PHACTR2: variants seen among roughly 807,000 people sequenced by gnomAD.
PHACTR2 encodes the protein chromosome 6 open reading frame 56.
A neutral mutation model predicts 76.0 loss-of-function variants in PHACTR2; 30 were observed. That is an observed-to-expected ratio of 0.39 (90% CI 0.30 to 0.54). The LOEUF is 0.54. Ranked by LOEUF, PHACTR2 falls within the 20% of genes least tolerant of loss-of-function variation. The pLI is 0.61. For missense variants in PHACTR2, 696 were observed against 781.1 expected, an observed-to-expected ratio of 0.89 and a Z score of 1.30; for synonymous variants, 292 against 292.5, an observed-to-expected ratio of 1.00 and a Z score of 0.02.
intron 5 of PHACTR2, among the ~76,000 whole-genome samples, chr6:143,763,940 G>A (rs1013861133): frequency 1.3e-5 from 2 of 152,194 alleles, no homozygotes; most frequent in African/African-American, 2.4e-5. Flanking sequence ...AACAGAAGAA[G>A]CCATTAGGAT....
chr6:143,740,677 A>T (rs1214415378), intron 2 of PHACTR2, among the ~76,000 whole-genome samples: 1 of 152,166 alleles, frequency 6.6e-6, no homozygotes, highest in African/African-American at 2.4e-5. Flanking sequence ...ATCCTTTTAT[A>T]ATTTGAACTC....
At chr6:143,701,087 G>A (rs1777901284) in intron 1 of PHACTR2, among the ~76,000 whole-genome samples, 2 of 152,196 alleles carry the variant, frequency 1.3e-5, no homozygotes, top group Non-Finnish European at 2.9e-5. Flanking sequence ...CCAAATAAGA[G>A]CGACTTTATT....
In PHACTR2 at chr6:143,800,006, G is replaced by T. The variant is rs1775916116; in HGVS notation, c.1846-7051G>T. Reference sequence around the variant, plus strand: ...TGTTAAAGTCTCCCATTATTATTGTGTGGGAGTCTAAGTTTCTTTGTAAGT... The same window carrying T: ...TGTTAAAGTCTCCCATTATTATTGTTTGGGAGTCTAAGTTTCTTTGTAAGT... On this transcript the variant is annotated intron_variant, in intron 11 of 12. Coordinates refer to ENST00000440869, the MANE Select transcript of PHACTR2 (RefSeq NM_001100164.2). The surrounding 1 kb of genome is among the most constrained non-coding windows in gnomAD (Gnocchi z 4.8). 6.6e-6 allele frequency among the ~76,000 whole-genome samples: 1 copy of T among 152,134 alleles called. No individual in the cohort carries two copies. The highest frequency in any genetic ancestry group is 2.1e-4 in the South Asian group (1 of 4,830).
rs1184089643 is a variant in PHACTR2, at chr6:143,663,412, T to C, written c.14-48604T>C. Among the ~76,000 whole-genome samples the C allele has an allele frequency of 1.3e-5, 2 of 152,248 alleles. No individual in the cohort carries two copies. The highest frequency in any genetic ancestry group is 2.9e-5 in the Non-Finnish European group (2 of 68,038). ...CTCTTGATTTTAAGATTCTGTTTCA[T>C]TGGTGCCCTTGTTTTTATCATTTTG... On this transcript the variant is annotated intron_variant, in intron 1 of 11. Transcript: ENST00000305766. The surrounding 1 kb of genome is among the most constrained non-coding windows in gnomAD (Gnocchi z 4.1).
At position 143,689,215 on chromosome 6, in the gene PHACTR2, T is replaced by A. The variant is rs149138839; in HGVS notation, c.46+11006T>A. ...AACCCACCCAGGTCCCACCCACAGC[T>A]CTCTGTGCCTTCACTGCACTTAGCA... is the stretch of plus-strand genomic sequence containing the variant. On this transcript the variant is annotated intron_variant, in intron 1 of 12. Transcript: ENST00000440869. The surrounding 1 kb of genome is among the most constrained non-coding windows in gnomAD (Gnocchi z 4.4). Among the ~76,000 whole-genome samples the A allele has an allele frequency of 1.7e-3, 260 of 152,140 alleles. No homozygotes were observed. Among genetic ancestry groups the A allele is most frequent in the African/African-American group, 5.9e-3 (245 of 41,514 alleles).
chr6:143,772,508 A>C lies in PHACTR2; in HGVS notation c.1432+51A>C, dbSNP rs768499248. The C allele has an allele frequency of 8.2e-6, 11 of 1,333,928 alleles. No homozygotes were observed. In the East Asian group the frequency reaches 2.4e-4, roughly 29 times the overall value. The allele number at this position is 1,333,928 out of a possible 1,614,324, so 82.6% of individuals were successfully genotyped here. ...AGGAGCGTGGGTGATAAGCAGAAGC[A>C]GCTGCAGTTTATAAAGAATAAAAGC... is the stretch of plus-strand genomic sequence containing the variant. On this transcript the variant is annotated intron_variant, in intron 7 of 12. Transcript: ENST00000440869. The surrounding 1 kb of genome is among the most constrained non-coding windows in gnomAD (Gnocchi z 5.4).
At chr6:143,736,091 C>A (rs1349901151) in intron 2 of PHACTR2, among the ~76,000 whole-genome samples, 1 of 152,006 alleles carries the variant, frequency 6.6e-6, no homozygotes, top group Non-Finnish European at 1.5e-5. Flanking sequence ...TGCAATGGCA[C>A]AATCATAACT....
In PHACTR2 at chr6:143,623,466, G is replaced by A. The variant is rs1025573161; in HGVS notation, c.13+15144G>A. 2.6e-5 allele frequency among the ~76,000 whole-genome samples: 4 copies of A among 152,054 alleles called. No homozygotes were observed. The highest frequency in any genetic ancestry group is 5.9e-5 in the Non-Finnish European group (4 of 68,002). On this transcript the variant is annotated intron_variant, in intron 1 of 11. Transcript: ENST00000305766. This position sits in a 1 kb window ranked among gnomAD's most constrained non-coding sequence, Gnocchi z 5.9. Reference sequence around the variant, plus strand: ...GGTGCATGCCTGTAGTCCCAGCTACGTGGGAGGCTGAGGCAGGAGAATCAC... The same window carrying A: ...GGTGCATGCCTGTAGTCCCAGCTACATGGGAGGCTGAGGCAGGAGAATCAC...
In PHACTR2 at chr6:143,774,049, C is replaced by T. The variant is rs756472669; in HGVS notation, c.1433-10C>T. 1 of 1,610,778 alleles carries T rather than the reference C, an allele frequency of 6.2e-7. No homozygotes were observed. Among genetic ancestry groups the T allele is most frequent in the South Asian group, 1.1e-5 (1 of 90,460 alleles). Reference sequence around the variant, plus strand: ...CTCTCTCTGCATTTCTGCTCTTTTTCAATCCTCAGGTGCTTTGGCAAGTAA... The same window carrying T: ...CTCTCTCTGCATTTCTGCTCTTTTTTAATCCTCAGGTGCTTTGGCAAGTAA... On this transcript the variant is annotated splice_polypyrimidine_tract_variant and intron_variant, in intron 7 of 12. Transcript: ENST00000440869. This position sits in a 1 kb window ranked among gnomAD's most constrained non-coding sequence, Gnocchi z 5.4.
intron 1 of PHACTR2, among the ~76,000 whole-genome samples, chr6:143,638,578 C>T (rs1167014035): frequency 1.2e-5 from 1 of 80,816 alleles, no homozygotes; most frequent in Admixed American, 1.2e-4. Context: ...CACACACATA[C>T]ACACACACAC....
In PHACTR2 at chr6:143,807,039, A is replaced by AT. The variant is rs200519016; in HGVS notation, c.1846-10dup. On this transcript the variant is annotated splice_polypyrimidine_tract_variant and intron_variant, in intron 11 of 12. Coordinates refer to ENST00000440869, the MANE Select transcript of PHACTR2 (RefSeq NM_001100164.2). The surrounding 1 kb of genome is among the most constrained non-coding windows in gnomAD (Gnocchi z 5.5). ...ACCTAAATAACAGTTCTGTTTATCT[A>AT]TTTTTTTTCCTGTTTAGGCAGCAAT... The AT allele has an allele frequency of 3.5e-4, 506 of 1,434,726 alleles. 2 individuals are homozygous for AT. In the East Asian group the frequency reaches 7.8e-3, roughly 22 times the overall value. 88.9% of individuals were successfully genotyped at this position (1,434,726 alleles called of 1,614,324 possible). A position where few individuals can be genotyped will look rare whatever the true frequency, so the allele number is the denominator to read the frequency against.
In PHACTR2 at chr6:143,738,169, T is replaced by C. The variant is rs904435320; in HGVS notation, c.215-10816T>C. Among the ~76,000 whole-genome samples the C allele has an allele frequency of 1.3e-5, 2 of 152,136 alleles. No homozygotes were observed. The highest frequency in any genetic ancestry group is 2.4e-5 in the African/African-American group (1 of 41,434). ...GCCCACGCCTGTAATCCTAGCACTT[T>C]GGGAGTCCTAGGCAGGCGGATCACA... On this transcript the variant is annotated intron_variant, in intron 2 of 12. Coordinates refer to ENST00000440869, the MANE Select transcript of PHACTR2 (RefSeq NM_001100164.2). This position sits in a 1 kb window ranked among gnomAD's most constrained non-coding sequence, Gnocchi z 4.0.
chr6:143,660,794 C>T (rs1776935327), intron 1 of PHACTR2, among the ~76,000 whole-genome samples: 1 of 152,022 alleles, frequency 6.6e-6, no homozygotes, highest in African/African-American at 2.4e-5. Context: ...TGGCACGCTC[C>T]TTAGAAAACA....
intron 10 of PHACTR2, 129 bp from the exon 11 acceptor site, chr6:143,788,642 CTT>C (rs200962238): frequency 0.058 from 24,618 of 426,868 alleles, 3 homozygotes; most frequent in East Asian, 0.066. Context: ...ATGCTGTTGC[CTT>C]TTTTTTTTTT....
rs763200954 is a variant in PHACTR2 at position 143,806,546 on chromosome 6, C to A, written c.1846-511C>A. Among the ~76,000 whole-genome samples, 1 of 152,166 alleles carries A rather than the reference C, an allele frequency of 6.6e-6. No homozygotes were observed. The highest frequency in any genetic ancestry group is 1.5e-5 in the Non-Finnish European group (1 of 68,028). On this transcript the variant is annotated intron_variant, in intron 11 of 12. Coordinates refer to ENST00000440869, the MANE Select transcript of PHACTR2 (RefSeq NM_001100164.2). This position sits in a 1 kb window ranked among gnomAD's most constrained non-coding sequence, Gnocchi z 5.8. ...TTCCGTGTGACTCATAGACCAGACT[C>A]AAGGATGAGTTTAGCAAAGGCCCGC...
intron 11 of PHACTR2, among the ~76,000 whole-genome samples, chr6:143,792,244 T>C (rs1775707432): frequency 1.3e-5 from 2 of 152,206 alleles, no homozygotes; most frequent in Non-Finnish European, 2.9e-5. Flanking sequence ...CATCAAAGTA[T>C]TTTTTACTCT....
Position 143,602,256 on chromosome 6 carries a change from C to T in PHACTR2, c.217+65049C>T, listed in dbSNP as rs530481452. 6.6e-6 allele frequency among the ~76,000 whole-genome samples: 1 copy of T among 152,178 alleles called. No individual in the cohort carries two copies. Among genetic ancestry groups the T allele is most frequent in the African/African-American group, 2.4e-5 (1 of 41,524 alleles). On this transcript the variant is annotated intron_variant, in intron 1 of 11. Transcript: ENST00000367584. This position sits in a 1 kb window ranked among gnomAD's most constrained non-coding sequence, Gnocchi z 6.1. ...ATGACATCTTGAGGAAATTTCTGCTCAATTTTGAGGGCATACTGCCGATCC... is the reference window on the plus strand; with the variant it reads ...ATGACATCTTGAGGAAATTTCTGCTTAATTTTGAGGGCATACTGCCGATCC...
intron 1 of PHACTR2, among the ~76,000 whole-genome samples, chr6:143,704,195 C>T (rs1391869378): frequency 6.6e-6 from 1 of 151,632 alleles, no homozygotes; most frequent in East Asian, 1.9e-4. Context: ...CCTCCTGATG[C>T]GTGCTGGAGC....
chr6:143,583,922 A>G lies in PHACTR2; in HGVS notation c.217+46715A>G, dbSNP rs927772261. Among the ~76,000 whole-genome samples, 2 of 152,192 alleles carry G rather than the reference A, an allele frequency of 1.3e-5. No individual in the cohort carries two copies. The highest frequency in any genetic ancestry group is 4.8e-5 in the African/African-American group (2 of 41,452). ...GGGACGGTGTCTTATTTATCTCTAC[A>G]CTTTTTCTTCCTAGCACTGTGTCTA... On this transcript the variant is annotated intron_variant, in intron 1 of 11. Transcript: ENST00000367584. The surrounding 1 kb of genome is among the most constrained non-coding windows in gnomAD (Gnocchi z 4.0).
Sources: allele counts gnomAD v4.1 joint callset (sites outside exome capture counted in the v4.1 genomes callset), GRCh38; gene constraint gnomAD v4.1.1; non-coding constraint Gnocchi (gnomAD v3.1); transcripts MANE v1.5; gene names NCBI Gene and HGNC (gene_info 2026-07-23, HGNC 2026-07-21).